The following SIPA1L2 variants were observed in gnomAD, a reference collection of about 807,000 sequenced individuals.
SIPA1L2 encodes the protein signal-induced proliferation-associated 1-like protein 2.
In SIPA1L2, 56 loss-of-function variants were observed where a neutral mutation model predicts 163.9. That is an observed-to-expected ratio of 0.34 (90% CI 0.28 to 0.43). The LOEUF is 0.43. Among genes scored for constraint, SIPA1L2 ranks in the 20% least tolerant of loss-of-function variants. The probability of loss-of-function intolerance (pLI) is 1.00; values close to 1 mark genes in which losing one functional copy is unlikely to be tolerated. For missense variants in SIPA1L2, 1,974 were observed against 2,193.5 expected (o/e 0.90, Z 2.00); for synonymous variants, 877 against 865.7 (o/e 1.01, Z -0.23).
At chr1:232,518,102 G>C (rs1667294174) in intron 2 of SIPA1L2, among the ~76,000 whole-genome samples, 1 of 152,148 alleles carries the variant, frequency 6.6e-6, no homozygotes, top group African/African-American at 2.4e-5. Flanking sequence ...ATGAATTTAT[G>C]CTGAATCTTA....
chr1:232,558,915 C>G (rs1658880729), intron 2 of SIPA1L2, among the ~76,000 whole-genome samples: 1 of 152,196 alleles, frequency 6.6e-6, no homozygotes, highest in African/African-American at 2.4e-5. Flanking sequence ...GTCATGGAAA[C>G]AGTTTGGTTT....
At chr1:232,411,981 T>C (rs930863160) in intron 19 of SIPA1L2, among the ~76,000 whole-genome samples, 3 of 152,240 alleles carry the variant, frequency 2.0e-5, no homozygotes, top group African/African-American at 4.8e-5. Context: ...GGGAGCTTAC[T>C]GAGTCCTTAT....
At chr1:232,566,930 T>C (rs1341750960) in intron 2 of SIPA1L2, among the ~76,000 whole-genome samples, 2 of 152,240 alleles carry the variant, frequency 1.3e-5, no homozygotes, top group Non-Finnish European at 2.9e-5. Context: ...GCATGAACAA[T>C]ATATGAACAT....
chr1:232,459,557 T>G (rs894256275), intron 10 of SIPA1L2, among the ~76,000 whole-genome samples: 1 of 152,136 alleles, frequency 6.6e-6, no homozygotes, highest in Non-Finnish European at 1.5e-5. Flanking sequence ...CTGCCACCCA[T>G]GCTGGCGTAC....
intron 2 of SIPA1L2, among the ~76,000 whole-genome samples, chr1:232,551,741 A>C (rs1357971725): frequency 1.3e-5 from 2 of 152,256 alleles, no homozygotes; most frequent in African/African-American, 4.8e-5. Context: ...CCTTTTAAAA[A>C]GCTACAGCCG....
intron 2 of SIPA1L2, among the ~76,000 whole-genome samples, chr1:232,545,789 A>T (rs746723897): frequency 6.6e-6 from 1 of 152,240 alleles, no homozygotes; most frequent in Non-Finnish European, 1.5e-5. Context: ...TATATATGCG[A>T]TAATGTTCTA....
At chr1:232,532,802 C>T (rs938969876) in intron 2 of SIPA1L2, among the ~76,000 whole-genome samples, 1 of 152,082 alleles carries the variant, frequency 6.6e-6, no homozygotes, top group Non-Finnish European at 1.5e-5. Flanking sequence ...AAAACAAAAC[C>T]CAGATTTCAT....
chr1:232,587,242 A>G (rs542663669), intron 1 of SIPA1L2, among the ~76,000 whole-genome samples: 77 of 152,322 alleles, frequency 5.1e-4, no homozygotes, highest in Middle Eastern at 6.8e-3. Flanking sequence ...TGTTCAGGAC[A>G]CAGGAGTCAA....
intron 15 of SIPA1L2, among the ~76,000 whole-genome samples, chr1:232,436,909 T>C (rs1662598993): frequency 6.6e-6 from 1 of 152,182 alleles, no homozygotes. Context: ...CAACGAAGAA[T>C]TACAGGAAAA....
intron 2 of SIPA1L2, among the ~76,000 whole-genome samples, chr1:232,555,230 A>C (rs1226983456): frequency 6.6e-6 from 1 of 152,192 alleles, no homozygotes; most frequent in African/African-American, 2.4e-5. Flanking sequence ...AAACAGAGAA[A>C]AGTTTTCAGA....
chr1:232,570,137 G>T (rs74762474), intron 2 of SIPA1L2, among the ~76,000 whole-genome samples: 2 of 152,156 alleles, frequency 1.3e-5, no homozygotes, highest in African/African-American at 4.8e-5. Flanking sequence ...CAGCTATCTC[G>T]GAAAATTCTA....
At chr1:232,422,833 G>A (rs1268722298) in intron 18 of SIPA1L2, among the ~76,000 whole-genome samples, 1 of 152,118 alleles carries the variant, frequency 6.6e-6, no homozygotes, top group Non-Finnish European at 1.5e-5. Flanking sequence ...TCAGCTTTTT[G>A]GGCTGCTCTA....
chr1:232,607,634 T>C (rs1661997726), intron 1 of SIPA1L2, among the ~76,000 whole-genome samples: 1 of 152,082 alleles, frequency 6.6e-6, no homozygotes, highest in Non-Finnish European at 1.5e-5. Flanking sequence ...TCTCCTCGTA[T>C]TTATTAATCT....
intron 1 of SIPA1L2, among the ~76,000 whole-genome samples, chr1:232,584,774 T>C (rs559365389): frequency 3.3e-5 from 5 of 152,194 alleles, no homozygotes; most frequent in Non-Finnish European, 7.3e-5. Context: ...AAACGCTAGA[T>C]GGAAACCTGT....
chr1:232,586,646 A>T (rs1558287214), intron 1 of SIPA1L2, among the ~76,000 whole-genome samples: 1 of 152,222 alleles, frequency 6.6e-6, no homozygotes, highest in Non-Finnish European at 1.5e-5. Flanking sequence ...CTATAGAAAT[A>T]ACAAGATATT....
chr1:232,552,229 T>C (rs1319453777), intron 2 of SIPA1L2, among the ~76,000 whole-genome samples: 1 of 152,152 alleles, frequency 6.6e-6, no homozygotes, highest in African/African-American at 2.4e-5. Context: ...GGTGATTAAA[T>C]ATCACCTTTT....
intron 2 of SIPA1L2, among the ~76,000 whole-genome samples, chr1:232,526,497 A>G (rs1406443420): frequency 6.6e-6 from 1 of 152,222 alleles, no homozygotes; most frequent in African/African-American, 2.4e-5. Flanking sequence ...AGCTCACAGT[A>G]GGGTTTGCAC....
chr1:232,411,088 T>C (rs769035819), intron 19 of SIPA1L2, among the ~76,000 whole-genome samples: 1 of 152,180 alleles, frequency 6.6e-6, no homozygotes, highest in African/African-American at 2.4e-5. Context: ...TACAGTGAAT[T>C]AAGGAGGGTG....
At chr1:232,561,209 C>T (rs576221821) in intron 2 of SIPA1L2, among the ~76,000 whole-genome samples, 16 of 152,158 alleles carry the variant, frequency 1.1e-4, no homozygotes, top group Admixed American at 2.0e-4. Flanking sequence ...CAAATGGCCA[C>T]GACATCATTC....
Sources: gnomAD v4.1 joint callset for allele counts (sites outside exome capture counted in the v4.1 genomes callset) on GRCh38, gnomAD v4.1.1 for gene constraint, MANE v1.5 for transcripts, NCBI Gene and HGNC (gene_info 2026-07-23, HGNC 2026-07-21) for gene names.